The following PCNT variants were observed in gnomAD, a reference collection of about 807,000 sequenced individuals.
PCNT encodes pericentrin, also known as kendrin.
Under a neutral mutation model 380.4 loss-of-function variants are expected in PCNT, and 319 were observed. The observed-to-expected ratio is 0.84, with a 90% CI of 0.77 to 0.92. The LOEUF is 0.92. Among genes scored for constraint, PCNT ranks in the 40% least tolerant of loss-of-function variants. The pLI is 0.00. For missense variants in PCNT, 4,400 were observed against 4,255.3 expected (o/e 1.03, Z -0.95); for synonymous variants, 1,845 against 1,735.2 (o/e 1.06, Z -1.57).
intron 15 of PCNT, among the ~76,000 whole-genome samples, chr21:46,368,795 T>G (rs774110435): frequency 6.6e-6 from 1 of 152,224 alleles, no homozygotes; most frequent in East Asian, 1.9e-4. Context: ...TAGAAATGGT[T>G]GTTCTGGCAG....
At chr21:46,333,598 CAA>C (rs1265854909) in intron 2 of PCNT, among the ~76,000 whole-genome samples, 15 of 132,256 alleles carry the variant, frequency 1.1e-4, no homozygotes, top group Non-Finnish European at 8.2e-5. Flanking sequence ...AACTTTGTCT[CAA>C]AAAAAAAAAA....
chr21:46,357,209 A>G lies in PCNT; in HGVS notation c.2154+18A>G, dbSNP rs1317497544. 1.3e-6 allele frequency: 2 copies of G among 1,546,650 alleles called. No individual in the cohort carries two copies. The highest frequency in any genetic ancestry group is 1.8e-6 in the Non-Finnish European group (2 of 1,118,652). ...TGGAGAAGGTGAGTCGTGACTCCAC[A>G]GCCCAGCGCCTCCCGCCCGAGTCCT... On this transcript the variant is annotated intron_variant, in intron 13 of 46. Transcript: ENST00000359568.
At chr21:46,405,390 G>C (rs143980332) in intron 27 of PCNT, among the ~76,000 whole-genome samples, 22 of 152,276 alleles carry the variant, frequency 1.4e-4, no homozygotes, top group South Asian at 4.1e-4. Flanking sequence ...ATAGCCTTTT[G>C]GGTTACATTG....
At chr21:46,378,769 G>A (rs935995437) in intron 15 of PCNT, among the ~76,000 whole-genome samples, 24 of 152,218 alleles carry the variant, frequency 1.6e-4, no homozygotes, top group Non-Finnish European at 4.4e-5. Context: ...ATCTGGTTTG[G>A]ATTAATACCA....
chr21:46,416,090 G>T lies in PCNT; in HGVS notation c.6172G>T (p.Asp2058Tyr), dbSNP rs2087015946. The change falls in exon 30 of 47, where the codon GAT becomes TAT. Residue 2058 changes from aspartate (D) to tyrosine (Y), a missense_variant. Transcript: ENST00000359568. ...GCAGGGTAAAGAAAAAGTACTGGAA[G>T]ATTGTCAGCTGCCGAAGGTCGATCT... ...GGKGKEKVLE[D>Y]CQLPKVDLVA... is the part of the protein sequence containing the mutation. The T allele has an allele frequency of 6.2e-7, 1 of 1,614,074 alleles. No homozygotes were observed. The highest frequency in any genetic ancestry group is 8.5e-7 in the Non-Finnish European group (1 of 1,180,048).
chr21:46,442,830 T>G lies in PCNT; in HGVS notation c.9700+257T>G. On this transcript the variant is annotated intron_variant, in intron 44 of 46. Transcript: ENST00000359568. ...ACACTGAGATGCTCAATATATTGATTATTTAATAGTGTTTAGCAAAATGGT... is the reference window on the plus strand; with the variant it reads ...ACACTGAGATGCTCAATATATTGATGATTTAATAGTGTTTAGCAAAATGGT... The G allele has an allele frequency of 9.1e-6, 5 of 550,412 alleles. No individual in the cohort carries two copies. In the South Asian group the frequency reaches 1.1e-4, roughly 12 times the overall value. The allele number at this position is 550,412 out of a possible 1,614,324, so 34.1% of individuals were successfully genotyped here. A position where few individuals can be genotyped will look rare whatever the true frequency, so the allele number is the denominator to read the frequency against.
intron 2 of PCNT, among the ~76,000 whole-genome samples, chr21:46,331,274 G>A (rs1341907521): frequency 6.6e-6 from 1 of 152,054 alleles, no homozygotes; most frequent in African/African-American, 2.4e-5. Context: ...CTCCCACCTC[G>A]GCCTCCCAAA....
At chr21:46,347,121 C>T in intron 5 of PCNT, 123 bp downstream of exon 5, 1 of 1,235,270 alleles carries the variant, frequency 8.1e-7, no homozygotes, top group South Asian at 1.5e-5. Flanking sequence ...CTGTTCTCAG[C>T]ACCTTGCCTG....
chr21:46,413,765 T>C (rs2086897949), intron 29 of PCNT, among the ~76,000 whole-genome samples: 1 of 152,150 alleles, frequency 6.6e-6, no homozygotes, highest in Non-Finnish European at 1.5e-5. Context: ...TCACTCCATA[T>C]TGTCACTTGA....
At chr21:46,361,519 C>T (rs1158536636) in intron 13 of PCNT, among the ~76,000 whole-genome samples, 1 of 152,234 alleles carries the variant, frequency 6.6e-6, no homozygotes, top group Non-Finnish European at 1.5e-5. Flanking sequence ...TTTGTCACCT[C>T]CCCTTCGTCT....
At chr21:46,376,243 C>T (rs561684893) in intron 15 of PCNT, among the ~76,000 whole-genome samples, 1 of 152,278 alleles carries the variant, frequency 6.6e-6, no homozygotes, top group South Asian at 2.1e-4. Context: ...CTTGGGCTCC[C>T]GTGTTGGCCT....
chr21:46,362,860 C>T (rs1308323511), intron 13 of PCNT, among the ~76,000 whole-genome samples: 1 of 151,450 alleles, frequency 6.6e-6, no homozygotes. Flanking sequence ...GCGACAGACC[C>T]TGTCTCAAAA....
intron 15 of PCNT, among the ~76,000 whole-genome samples, chr21:46,378,856 C>T (rs543239869): frequency 2.0e-5 from 3 of 152,160 alleles, no homozygotes; most frequent in African/African-American, 2.4e-5. Flanking sequence ...CTCATATTGT[C>T]GTACCAACCA....
At chr21:46,404,069 C>T (rs978097101) in intron 27 of PCNT, among the ~76,000 whole-genome samples, 1 of 123,222 alleles carries the variant, frequency 8.1e-6, no homozygotes, top group Admixed American at 7.8e-5. Flanking sequence ...ATGAACACAG[C>T]GTGGGAGAAT....
rs117494675 is a variant in PCNT, at chr21:46,438,551, C to T, written c.9273+214C>T. On this transcript the variant is annotated intron_variant, in intron 41 of 46. Coordinates refer to ENST00000359568, the MANE Select transcript of PCNT (RefSeq NM_006031.6). ...AGCCGACTTCCAGCTCCGCCACAGA[C>T]GGCGTCCTCACTGACCCTGACCGCT... is the stretch of plus-strand genomic sequence containing the variant. Among the ~76,000 whole-genome samples the T allele has an allele frequency of 2.1e-3, 316 of 152,326 alleles. 3 individuals carry two copies. Among genetic ancestry groups the T allele is most frequent in the East Asian group, 9.8e-3 (51 of 5,186 alleles).
At chr21:46,419,907 GC>G (rs2087177808) in intron 31 of PCNT, among the ~76,000 whole-genome samples, 1 of 152,186 alleles carries the variant, frequency 6.6e-6, no homozygotes, top group Non-Finnish European at 1.5e-5. Context: ...CGCCTGGCCA[GC>G]CCCCTCTTTT....
At chr21:46,442,377 C>G (rs964053042) in intron 43 of PCNT, 120 bp from the exon 44 acceptor site, 6 of 719,546 alleles carry the variant, frequency 8.3e-6, no homozygotes, top group Non-Finnish European at 1.3e-5. Context: ...CCTTGGCGTC[C>G]TGGTCCCCAT....
chr21:46,413,386 G>A (rs2086880865), intron 29 of PCNT, among the ~76,000 whole-genome samples: 1 of 152,144 alleles, frequency 6.6e-6, no homozygotes, highest in Non-Finnish European at 1.5e-5. Context: ...GGCCCCCCTG[G>A]GAGAGGCTGG....
In PCNT at chr21:46,416,106, A is replaced by C. The variant is rs755772184; in HGVS notation, c.6188A>C (p.Lys2063Thr). Residue 2063 changes from lysine to threonine, a missense_variant, in exon 30 of 47, where the codon AAG becomes ACG. Coordinates refer to ENST00000359568, the MANE Select transcript of PCNT (RefSeq NM_006031.6). ...EKVLEDCQLPKVDLVAQVKQL... is the reference protein window; with the variant it reads ...EKVLEDCQLPTVDLVAQVKQL... Reference sequence around the variant, plus strand: ...GTACTGGAAGATTGTCAGCTGCCGAAGGTCGATCTCGTAGCTCAGGTGAAA... The same window carrying C: ...GTACTGGAAGATTGTCAGCTGCCGACGGTCGATCTCGTAGCTCAGGTGAAA... 18 of 1,614,060 alleles carry C rather than the reference A, an allele frequency of 1.1e-5. 1 individual carries two copies. The South Asian group carries it at 2.0e-4, about 18-fold the overall frequency.
Sources: allele counts gnomAD v4.1 joint callset (sites outside exome capture counted in the v4.1 genomes callset), GRCh38; gene constraint gnomAD v4.1.1; transcripts MANE v1.5; gene names NCBI Gene and HGNC (gene_info 2026-07-23, HGNC 2026-07-21).